SLC9C2: variants seen among roughly 807,000 people sequenced by gnomAD.
The protein encoded by SLC9C2 is solute carrier family 9 member C2 (putative).
Under a neutral mutation model 140.2 loss-of-function variants are expected in SLC9C2, and 75 were observed. The observed-to-expected ratio is 0.53, with a 90% CI of 0.44 to 0.65. The LOEUF (loss-of-function observed/expected upper bound fraction) is 0.65. Among genes scored for constraint, SLC9C2 ranks in the 30% least tolerant of loss-of-function variants. The probability of loss-of-function intolerance (pLI) is 0.00; values close to 1 mark genes in which losing one functional copy is unlikely to be tolerated. For synonymous variants in SLC9C2, 375 were observed against 420.9 expected, an observed-to-expected ratio of 0.89 and a Z score of 1.34; for missense variants, 1,074 against 1,331.8, an observed-to-expected ratio of 0.81 and a Z score of 3.01.
At chr1:173,507,508 GCACACA>G (rs148480049) in intron 24 of SLC9C2, among the ~76,000 whole-genome samples, 1 of 128,188 alleles carries the variant, frequency 7.8e-6, no homozygotes, top group African/African-American at 2.6e-5. Context: ...GTTGAATTGT[GCACACA>G]CACACACACA....
chr1:173,524,959 G>A (rs1327630273), intron 19 of SLC9C2, 32 bp from the exon 20 acceptor site: 2 of 1,607,864 alleles, frequency 1.2e-6, no homozygotes, highest in Non-Finnish European at 1.7e-6. Context: ...TCAGTAAGTG[G>A]CCTATGCAAT....
chr1:173,595,522 A>G (rs1666399443), intron 4 of SLC9C2, among the ~76,000 whole-genome samples: 1 of 152,196 alleles, frequency 6.6e-6, no homozygotes, highest in Non-Finnish European at 1.5e-5. Context: ...GATATTTTAC[A>G]TAAGCCTATT....
At chr1:173,585,080 A>G (rs1453515341) in intron 5 of SLC9C2, among the ~76,000 whole-genome samples, 1 of 152,198 alleles carries the variant, frequency 6.6e-6, no homozygotes, top group Non-Finnish European at 1.5e-5. Context: ...TTTTTACTCA[A>G]TTGAGATCAT....
At chr1:173,591,187 A>G (rs1313433186) in intron 4 of SLC9C2, among the ~76,000 whole-genome samples, 3 of 152,164 alleles carry the variant, frequency 2.0e-5, no homozygotes, top group Non-Finnish European at 4.4e-5. Context: ...AGCTCCATCC[A>G]TGTTCCCGCA....
intron 13 of SLC9C2, among the ~76,000 whole-genome samples, chr1:173,539,853 G>A (rs1445399511): frequency 6.6e-6 from 1 of 152,158 alleles, no homozygotes; most frequent in African/African-American, 2.4e-5. Flanking sequence ...CCTTCCATGG[G>A]ATTGTTGGTT....
intron 4 of SLC9C2, among the ~76,000 whole-genome samples, chr1:173,595,556 A>G (rs532676093): frequency 6.6e-6 from 1 of 152,156 alleles, no homozygotes; most frequent in Non-Finnish European, 1.5e-5. Flanking sequence ...AAAAATTTTA[A>G]CTTTCTGTAA....
At chr1:173,539,232 G>A (rs1202764802) in intron 13 of SLC9C2, among the ~76,000 whole-genome samples, 1 of 152,128 alleles carries the variant, frequency 6.6e-6, no homozygotes, top group African/African-American at 2.4e-5. Flanking sequence ...GTTTTAAGCA[G>A]GAAGGAGGTA....
At chr1:173,553,083 T>C (rs1663429932) in intron 11 of SLC9C2, among the ~76,000 whole-genome samples, 1 of 152,148 alleles carries the variant, frequency 6.6e-6, no homozygotes, top group Non-Finnish European at 1.5e-5. Flanking sequence ...AAGACTTCAG[T>C]GGAGGAAGTA....
intron 7 of SLC9C2, among the ~76,000 whole-genome samples, chr1:173,577,296 T>C (rs1426680681): frequency 6.6e-6 from 1 of 152,218 alleles, no homozygotes; most frequent in Admixed American, 6.5e-5. Flanking sequence ...CTGCACTGCA[T>C]GTGCTGAGAG....
In SLC9C2 at chr1:173,583,547, C is replaced by T. The variant is rs267598172; in HGVS notation, c.599G>A (p.Gly200Glu). ...GTGGATTCTGTTGCCCCGAAAATTT[C>T]CAAAAAAAATTGATGCGATGCTACA... ...IICSIASIFF[G>E]NFRGNRIHFS... The change falls in exon 6 of 28, where the codon GGA becomes GAA. Residue 200 changes from glycine to glutamate, a missense_variant. Transcript: ENST00000367714. The T allele has an allele frequency of 6.2e-7, 1 of 1,610,200 alleles. No homozygotes were observed. Among genetic ancestry groups the T allele is most frequent in the Non-Finnish European group, 8.5e-7 (1 of 1,178,212 alleles).
At chr1:173,555,469 C>T (rs953115034) in intron 10 of SLC9C2, among the ~76,000 whole-genome samples, 2 of 152,156 alleles carry the variant, frequency 1.3e-5, no homozygotes, top group African/African-American at 4.8e-5. Flanking sequence ...TGACTAATAA[C>T]AACAATCACC....
chr1:173,583,603 A>C lies in SLC9C2; in HGVS notation c.543T>G (p.Ile181Met). ...TCAATGATTCTCCTCTAATGAGATC[A>C]ATGTATATTTTAGAAATGCCTGAAA... is the stretch of plus-strand genomic sequence containing the variant. The part of the protein sequence containing the change: ...LKTIGISKIY[I>M]DLIRGESLII... Residue 181 changes from isoleucine (I) to methionine (M), a missense_variant, in exon 6 of 28, where the codon ATT becomes ATG. Coordinates refer to ENST00000367714, the MANE Select transcript of SLC9C2 (RefSeq NM_178527.4). 1 of 1,563,266 alleles carries C rather than the reference A, an allele frequency of 6.4e-7. No individual in the cohort carries two copies. The highest frequency in any genetic ancestry group is 8.7e-7 in the Non-Finnish European group (1 of 1,154,922).
At chr1:173,511,892 C>G (rs1660082003) in intron 23 of SLC9C2, among the ~76,000 whole-genome samples, 1 of 152,166 alleles carries the variant, frequency 6.6e-6, no homozygotes, top group African/African-American at 2.4e-5. Context: ...TTCCCAACAC[C>G]ATTTACTGAA....
intron 3 of SLC9C2, among the ~76,000 whole-genome samples, chr1:173,598,808 C>T (rs754822490): frequency 6.6e-6 from 1 of 152,142 alleles, no homozygotes; most frequent in Admixed American, 6.5e-5. Context: ...AGTAAACACT[C>T]TAAAGATGTC....
At chr1:173,539,791 C>T (rs1450170190) in intron 13 of SLC9C2, among the ~76,000 whole-genome samples, 1 of 152,098 alleles carries the variant, frequency 6.6e-6, no homozygotes, top group Non-Finnish European at 1.5e-5. Context: ...GGAAGAATGC[C>T]AGAGTAGAAG....
In SLC9C2 at chr1:173,509,599, T is replaced by C. The variant is rs753567361; in HGVS notation, c.3008A>G (p.Tyr1003Cys). Residue 1003 changes from tyrosine (Y) to cysteine (C), a missense_variant, in exon 24 of 28, where the codon TAT becomes TGT. Tyr to Cys is a radical substitution (Grantham distance 194, BLOSUM62 -2). Transcript: ENST00000367714. ...AATAAGACTTGATTCAAAATACTGA[T>C]AGGCAGTACTGAGAGCAAGCTTTAG... Reference protein sequence around the residue: ...IWLKLALSTAYQYFESSLIDE... With the variant: ...IWLKLALSTACQYFESSLIDE... 6 of 1,586,604 alleles carry C rather than the reference T, an allele frequency of 3.8e-6. No individual in the cohort carries two copies. Among genetic ancestry groups the C allele is most frequent in the Non-Finnish European group, 4.3e-6 (5 of 1,170,080 alleles).
chr1:173,554,097 T>C (rs1663504040), intron 11 of SLC9C2, among the ~76,000 whole-genome samples: 1 of 152,242 alleles, frequency 6.6e-6, no homozygotes, highest in Non-Finnish European at 1.5e-5. Context: ...AATAACCAAC[T>C]GTGGCAGAGC....
intron 11 of SLC9C2, among the ~76,000 whole-genome samples, chr1:173,550,025 C>T (rs1663146327): frequency 6.6e-6 from 1 of 152,198 alleles, no homozygotes; most frequent in East Asian, 1.9e-4. Flanking sequence ...AAAGTGTGAG[C>T]AAGACTTCCG....
intron 10 of SLC9C2, 49 bp downstream of exon 10, chr1:173,557,291 T>G: frequency 6.4e-7 from 1 of 1,552,776 alleles, no homozygotes; most frequent in South Asian, 1.2e-5. Context: ...GTGGGCAAGA[T>G]AAGTAAAAAT....
Sources: gnomAD v4.1 joint callset for allele counts (sites outside exome capture counted in the v4.1 genomes callset) on GRCh38, gnomAD v4.1.1 for gene constraint, MANE v1.5 for transcripts, NCBI Gene and HGNC (gene_info 2026-07-23, HGNC 2026-07-21) for gene names.